The following CDH13 variants were observed in gnomAD, a reference collection of about 807,000 sequenced individuals.
CDH13 encodes cadherin-13.
A neutral mutation model predicts 63.8 loss-of-function variants in CDH13; 24 were observed. The observed-to-expected ratio is 0.38, with a 90% CI of 0.27 to 0.53. The LOEUF is 0.53. Ranked by LOEUF, CDH13 falls within the 20% of genes least tolerant of loss-of-function variation. The pLI is 0.85. For synonymous variants in CDH13, 503 were observed against 355.3 expected (o/e 1.42, Z -4.67); for missense variants, 1,049 against 903.1 (o/e 1.16, Z -2.07).
intron 2 of CDH13, among the ~76,000 whole-genome samples, chr16:82,955,205 A>T (rs1385012669): frequency 6.6e-6 from 1 of 152,204 alleles, no homozygotes; most frequent in East Asian, 1.9e-4. Context: ...TTTTCCAAGC[A>T]GTCTTAGAGT....
rs538206338 is a variant in CDH13, at chr16:82,866,377, C to CTTTTTTTTT, written c.157+7925_157+7933dup. Among the ~76,000 whole-genome samples the CTTTTTTTTT allele has an allele frequency of 1.7e-3, 98 of 58,318 alleles. 8 individuals are homozygous for CTTTTTTTTT. The highest frequency in any genetic ancestry group is 2.2e-3 in the South Asian group (3 of 1,380). 38.3% of individuals were successfully genotyped at this position (58,318 alleles called of 152,430 possible). A position where few individuals can be genotyped will look rare whatever the true frequency, so the allele number is the denominator to read the frequency against. On this transcript the variant is annotated intron_variant, in intron 2 of 13. Transcript: ENST00000567109. ...TCTGTTTTCTTTTCTTTTTCTTCTT[C>CTTTTTTTTT]TTTTTTTTTTTTTTTTTTTTTTTTT...
chr16:82,852,519 A>T (rs1274317105), intron 1 of CDH13, among the ~76,000 whole-genome samples: 2 of 152,204 alleles, frequency 1.3e-5, no homozygotes, highest in African/African-American at 4.8e-5. Context: ...AGACGTGAGA[A>T]TCCTTCCACC....
At chr16:83,667,143 G>T (rs1914062811) in intron 8 of CDH13, among the ~76,000 whole-genome samples, 1 of 151,754 alleles carries the variant, frequency 6.6e-6, no homozygotes, top group Admixed American at 6.6e-5. Context: ...ATAGATAGAT[G>T]GATGGCAGGT....
intron 7 of CDH13, among the ~76,000 whole-genome samples, chr16:83,539,629 C>A (rs759060383): frequency 6.6e-6 from 1 of 152,196 alleles, no homozygotes; most frequent in East Asian, 1.9e-4. Context: ...AATGATAATT[C>A]TAGCTGATAT....
intron 5 of CDH13, among the ~76,000 whole-genome samples, chr16:83,327,601 T>C (rs2090392991): frequency 6.6e-6 from 1 of 152,198 alleles, no homozygotes; most frequent in African/African-American, 2.4e-5. Flanking sequence ...TAGTAGGCAT[T>C]ACAGACCAGA....
intron 10 of CDH13, among the ~76,000 whole-genome samples, chr16:83,688,188 A>G (rs377750904): frequency 1.2e-4 from 18 of 152,344 alleles, no homozygotes; most frequent in African/African-American, 4.3e-4. Context: ...AAAGGAAATC[A>G]CAAAAAATGT....
chr16:83,096,238 G>A (rs114185682), intron 3 of CDH13, among the ~76,000 whole-genome samples: 2 of 152,152 alleles, frequency 1.3e-5, no homozygotes, highest in Admixed American at 6.6e-5. Flanking sequence ...CAGGTCTCAG[G>A]AGTTCAGCAA....
intron 3 of CDH13, among the ~76,000 whole-genome samples, chr16:83,062,404 T>C (rs143204435): frequency 1.7e-3 from 260 of 152,312 alleles, no homozygotes; most frequent in African/African-American, 5.7e-3. Flanking sequence ...TTTAGCTTAG[T>C]GCCTGACACG....
At chr16:83,245,905 G>A (rs1158829152) in intron 5 of CDH13, among the ~76,000 whole-genome samples, 2 of 151,992 alleles carry the variant, frequency 1.3e-5, no homozygotes, top group African/African-American at 4.8e-5. Context: ...ACCATACCCA[G>A]CTTGTATTTT....
At chr16:82,929,118 A>G (rs938564506) in intron 2 of CDH13, among the ~76,000 whole-genome samples, 2 of 152,176 alleles carry the variant, frequency 1.3e-5, no homozygotes, top group East Asian at 1.9e-4. Flanking sequence ...TATCATTCCA[A>G]TCAGGTTGAT....
intron 6 of CDH13, among the ~76,000 whole-genome samples, chr16:83,441,183 G>T (rs560145402): frequency 1.3e-5 from 2 of 152,180 alleles, no homozygotes; most frequent in African/African-American, 2.4e-5. Flanking sequence ...ACTGTGGATG[G>T]ATCTTCCAGA....
intron 11 of CDH13, among the ~76,000 whole-genome samples, chr16:83,758,117 G>C (rs1913665733): frequency 6.6e-6 from 1 of 151,270 alleles, no homozygotes; most frequent in Non-Finnish European, 1.5e-5. Flanking sequence ...AAACCAAAAA[G>C]AAAACTACAG....
chr16:83,440,626 A>G (rs2072452314), intron 6 of CDH13, among the ~76,000 whole-genome samples: 1 of 152,062 alleles, frequency 6.6e-6, no homozygotes, highest in African/African-American at 2.4e-5. Context: ...CTCTACTAAA[A>G]ATACAAAAAT....
chr16:82,981,013 C>G (rs1185317775), intron 2 of CDH13, among the ~76,000 whole-genome samples: 1 of 152,118 alleles, frequency 6.6e-6, no homozygotes, highest in African/African-American at 2.4e-5. Flanking sequence ...CATTTCAGCA[C>G]AAAGGGAGCT....
At chr16:83,437,787 A>G (rs1197995750) in intron 6 of CDH13, among the ~76,000 whole-genome samples, 2 of 152,218 alleles carry the variant, frequency 1.3e-5, no homozygotes, top group African/African-American at 4.8e-5. Context: ...TCCACTTGAT[A>G]TAATATGCCC....
intron 5 of CDH13, among the ~76,000 whole-genome samples, chr16:83,261,910 CA>C (rs941275940): frequency 4.6e-5 from 7 of 152,220 alleles, no homozygotes; most frequent in African/African-American, 1.7e-4. Flanking sequence ...AGCCTGATAA[CA>C]AATGTGTGAG....
intron 1 of CDH13, among the ~76,000 whole-genome samples, chr16:82,703,775 C>T (rs1317099511): frequency 6.6e-6 from 1 of 152,142 alleles, no homozygotes; most frequent in African/African-American, 2.4e-5. Context: ...CTAATGCCCC[C>T]TCTTTGCCCC....
At chr16:83,626,730 G>C (rs1005313330) in intron 8 of CDH13, among the ~76,000 whole-genome samples, 1 of 152,060 alleles carries the variant, frequency 6.6e-6, no homozygotes, top group African/African-American at 2.4e-5. Flanking sequence ...AATCCTGCTG[G>C]AAGAAGCAAC....
At chr16:83,353,899 G>A (rs1057370751) in intron 6 of CDH13, among the ~76,000 whole-genome samples, 3 of 152,214 alleles carry the variant, frequency 2.0e-5, no homozygotes, top group Non-Finnish European at 4.4e-5. Flanking sequence ...GATATTTTAG[G>A]CCCAAGCCGG....
Sources: gnomAD v4.1 joint callset for allele counts (sites outside exome capture counted in the v4.1 genomes callset) on GRCh38, gnomAD v4.1.1 for gene constraint, MANE v1.5 for transcripts, NCBI Gene and HGNC (gene_info 2026-07-23, HGNC 2026-07-21) for gene names.